CATSPERE: variants seen among roughly 807,000 people sequenced by gnomAD.
The protein encoded by CATSPERE is cation channel sperm-associated auxiliary subunit epsilon.
CATSPERE carries 93 observed loss-of-function variants against 114.1 expected under a neutral mutation model. The ratio of observed to expected loss-of-function variants is 0.81; its 90% CI spans 0.69 to 0.97. The LOEUF (loss-of-function observed/expected upper bound fraction) is 0.97. Ranked by LOEUF, CATSPERE falls within the 50% of genes least tolerant of loss-of-function variation. CATSPERE has a pLI of 0.00. For synonymous variants in CATSPERE, 341 were observed against 384.1 expected, an observed-to-expected ratio of 0.89 and a Z score of 1.31; for missense variants, 1,058 against 1,131.6, an observed-to-expected ratio of 0.93 and a Z score of 0.93.
chr1:244,454,077 A>G (rs889154283), upstream of CATSPERE, among the ~76,000 whole-genome samples: 12 of 152,130 alleles, frequency 7.9e-5, no homozygotes, highest in Non-Finnish European at 1.6e-4. Flanking sequence ...GTGCGTTTGT[A>G]TATGTGGAAG....
At chr1:244,454,815 A>C (rs1665981427) in intron 1 of CATSPERE, among the ~76,000 whole-genome samples, 1 of 152,124 alleles carries the variant, frequency 6.6e-6, no homozygotes, top group Non-Finnish European at 1.5e-5. Context: ...GTGTCACAGG[A>C]TAGAACGTGG....
chr1:244,530,409 TG>T (rs1236233057), intron 8 of CATSPERE, among the ~76,000 whole-genome samples: 1 of 152,250 alleles, frequency 6.6e-6, no homozygotes, highest in Non-Finnish European at 1.5e-5. Context: ...CATGCTGTTT[TG>T]GTTACTGTAG....
intron 8 of CATSPERE, among the ~76,000 whole-genome samples, chr1:244,551,328 A>G (rs1660586581): frequency 6.6e-6 from 1 of 152,226 alleles, no homozygotes; most frequent in African/African-American, 2.4e-5. Context: ...GTACTGGATT[A>G]TCTCTGCCTT....
At chr1:244,614,191 A>G (rs1436979856) in intron 19 of CATSPERE, among the ~76,000 whole-genome samples, 1 of 152,206 alleles carries the variant, frequency 6.6e-6, no homozygotes. Context: ...ACTAACACAC[A>G]GTGAAAGCCT....
intron 8 of CATSPERE, among the ~76,000 whole-genome samples, chr1:244,544,461 C>A (rs1233316418): frequency 6.6e-6 from 1 of 152,152 alleles, no homozygotes; most frequent in Non-Finnish European, 1.5e-5. Context: ...GTGATTCTTC[C>A]TTCAGTTCTA....
Position 244,639,988 on chromosome 1 carries a change from T to C in CATSPERE, c.2763T>C (p.Ile921=). The change falls in exon 22 of 22, where the codon ATT becomes ATC. Residue 921 remains isoleucine, a synonymous_variant. Transcript: ENST00000366534. ...TCCTGATGCTGCTCTTCTTCACTAT[T>C]CTTGTTTTGAGCTACTTTCGGTACA... ...LFVLMLLFFT[I]LVLSYFRYMR... 1 of 1,551,438 alleles carries C rather than the reference T, an allele frequency of 6.4e-7. No individual in the cohort carries two copies. The highest frequency in any genetic ancestry group is 1.2e-5 in the South Asian group (1 of 84,062).
At chr1:244,490,281 A>G (rs557030095) in intron 5 of CATSPERE, among the ~76,000 whole-genome samples, 166 bp from the exon 6 acceptor site, 20 of 152,354 alleles carry the variant, frequency 1.3e-4, no homozygotes, top group Middle Eastern at 3.4e-3. Flanking sequence ...ATAAATAAAT[A>G]GACATGTGAT....
intron 8 of CATSPERE, among the ~76,000 whole-genome samples, chr1:244,551,831 G>A (rs564754059): frequency 2.6e-5 from 4 of 152,128 alleles, no homozygotes; most frequent in Middle Eastern, 3.4e-3. Flanking sequence ...TTGGGAGGCC[G>A]AGGCGGGCGG....
At chr1:244,468,219 A>C (rs1393812175) in intron 2 of CATSPERE, among the ~76,000 whole-genome samples, 3 of 151,724 alleles carry the variant, frequency 2.0e-5, no homozygotes, top group Admixed American at 2.0e-4. Flanking sequence ...CAGCCTCCCG[A>C]GAAGCTGGGA....
intron 8 of CATSPERE, among the ~76,000 whole-genome samples, chr1:244,534,455 A>G (rs1027908430): frequency 1.3e-5 from 2 of 151,584 alleles, no homozygotes; most frequent in Admixed American, 6.6e-5. Flanking sequence ...ATCCTTTTCT[A>G]TTCTTTTTTC....
intron 12 of CATSPERE, among the ~76,000 whole-genome samples, chr1:244,582,430 T>A (rs561303043): frequency 1.3e-5 from 2 of 148,272 alleles, no homozygotes; most frequent in African/African-American, 5.0e-5. Flanking sequence ...TAAGATGGAG[T>A]CTCACTCTGT....
rs556707486 is a variant in CATSPERE at position 244,621,902 on chromosome 1, A to G, written c.2648+4216A>G. ...AACTGAAAGAACAAATGTCCACTAC[A>G]GTCCACATCATCATTTACTTCTCCA... is the stretch of plus-strand genomic sequence containing the variant. On this transcript the variant is annotated intron_variant, in intron 20 of 21. Coordinates refer to ENST00000366534, the MANE Select transcript of CATSPERE (RefSeq NM_001130957.2). Among the ~76,000 whole-genome samples the G allele has an allele frequency of 1.9e-4, 29 of 152,366 alleles. 1 individual carries two copies. The South Asian group carries it at 5.4e-3, about 28-fold the overall frequency.
chr1:244,520,493 T>C (rs923180751), intron 8 of CATSPERE, among the ~76,000 whole-genome samples: 13 of 152,220 alleles, frequency 8.5e-5, no homozygotes, highest in Non-Finnish European at 1.8e-4. Flanking sequence ...TCCATTGCCC[T>C]ACATATTCAT....
intron 9 of CATSPERE, among the ~76,000 whole-genome samples, chr1:244,553,580 CAAAAAAA>C (rs1179306708): frequency 3.7e-5 from 1 of 27,002 alleles, no homozygotes; most frequent in African/African-American, 1.1e-4. Context: ...GACCCCGTCT[CAAAAAAA>C]AAAAAAAAAA....
At chr1:244,618,097 T>C (rs1440283374) in intron 20 of CATSPERE, among the ~76,000 whole-genome samples, 1 of 152,222 alleles carries the variant, frequency 6.6e-6, no homozygotes, top group African/African-American at 2.4e-5. Flanking sequence ...GGCACAATAG[T>C]AATTCAGAGA....
At chr1:244,596,777 T>TA (rs202200845) in intron 17 of CATSPERE, among the ~76,000 whole-genome samples, 39,676 of 141,764 alleles carry the variant, frequency 0.28, 5,633 homozygotes, top group East Asian at 0.52. Context: ...AAGTAAAATT[T>TA]AAAAAAAAAA....
chr1:244,566,018 G>A (rs1304403343), intron 10 of CATSPERE, among the ~76,000 whole-genome samples: 2 of 152,308 alleles, frequency 1.3e-5, no homozygotes, highest in South Asian at 2.1e-4. Flanking sequence ...ATTCTGGTAC[G>A]TTGTGTCTTT....
chr1:244,542,375 C>G (rs1024070932), intron 8 of CATSPERE, among the ~76,000 whole-genome samples: 1 of 152,048 alleles, frequency 6.6e-6, no homozygotes, highest in Non-Finnish European at 1.5e-5. Flanking sequence ...AGGTTTGTTA[C>G]ACGGATATAT....
chr1:244,624,862 C>G (rs1672900795), intron 20 of CATSPERE, among the ~76,000 whole-genome samples: 1 of 152,200 alleles, frequency 6.6e-6, no homozygotes, highest in Non-Finnish European at 1.5e-5. Flanking sequence ...TGCTATCATC[C>G]ATTCAAGTTT....
Sources: allele counts gnomAD v4.1 joint callset (sites outside exome capture counted in the v4.1 genomes callset), GRCh38; gene constraint gnomAD v4.1.1; transcripts MANE v1.5; gene names NCBI Gene and HGNC (gene_info 2026-07-23, HGNC 2026-07-21).